PPFIA2: variants seen among roughly 807,000 people sequenced by gnomAD.
The protein encoded by PPFIA2 is PPFI scaffold protein A2.
PPFIA2 carries 46 observed loss-of-function variants against 175.5 expected under a neutral mutation model. The ratio of observed to expected loss-of-function variants is 0.26; its 90% CI spans 0.21 to 0.34. The LOEUF (loss-of-function observed/expected upper bound fraction) is 0.34, where lower values mean the gene tolerates loss of function less well. Ranked by LOEUF, PPFIA2 falls within the 10% of genes least tolerant of loss-of-function variation. The pLI, the probability that PPFIA2 is intolerant of heterozygous loss-of-function variation, is 1.00. For missense variants in PPFIA2, 1,179 were observed against 1,506.1 expected, an observed-to-expected ratio of 0.78 and a Z score of 3.60; for synonymous variants, 568 against 511.4, an observed-to-expected ratio of 1.11 and a Z score of -1.49.
intron 15 of PPFIA2, among the ~76,000 whole-genome samples, chr12:81,358,887 C>T (rs536110146): frequency 2.0e-5 from 3 of 152,024 alleles, no homozygotes; most frequent in Non-Finnish European, 4.4e-5. Context: ...TTCATAAGCA[C>T]ATTTGATTCT....
chr12:81,613,445 T>C (rs954653800), intron 4 of PPFIA2, among the ~76,000 whole-genome samples: 2 of 152,196 alleles, frequency 1.3e-5, no homozygotes, highest in South Asian at 4.1e-4. Flanking sequence ...TTCAACCACT[T>C]TTTGTTAGCA....
At chr12:81,556,698 A>G (rs566588719) in intron 4 of PPFIA2, among the ~76,000 whole-genome samples, 4 of 152,022 alleles carry the variant, frequency 2.6e-5, no homozygotes, top group African/African-American at 9.6e-5. Context: ...GAGTATTAAA[A>G]AAAAAATCAA....
chr12:81,288,733 C>T (rs905310406), intron 24 of PPFIA2, among the ~76,000 whole-genome samples: 2 of 151,688 alleles, frequency 1.3e-5, no homozygotes, highest in African/African-American at 4.8e-5. Context: ...TTACTTTTCA[C>T]ATTCAAATGG....
Position 81,259,489 on chromosome 12 carries a change from GT to G in PPFIA2, c.*204del. The G allele has an allele frequency of 2.8e-6, 2 of 721,530 alleles. No individual in the cohort carries two copies. Among genetic ancestry groups the G allele is most frequent in the East Asian group, 5.4e-5 (2 of 36,752 alleles). The allele number at this position is 721,530 out of a possible 1,614,324, so 44.7% of individuals were successfully genotyped here. On this transcript the variant is annotated 3_prime_UTR_variant, in exon 33 of 33. Transcript: ENST00000549396. ...TGACTTAAGCATTTTATTACAATTTGTAGTAAACTAATCAAATGTAATATCT... is the reference window on the plus strand; with the variant it reads ...TGACTTAAGCATTTTATTACAATTTGAGTAAACTAATCAAATGTAATATCT...
intron 22 of PPFIA2, among the ~76,000 whole-genome samples, chr12:81,324,055 AAGT>A (rs1437880300): frequency 6.6e-6 from 1 of 152,220 alleles, no homozygotes; most frequent in East Asian, 1.9e-4. Flanking sequence ...TATTAAAAGC[AAGT>A]ATTCTACATA....
chr12:81,441,698 T>C (rs1051671585), intron 6 of PPFIA2, among the ~76,000 whole-genome samples: 53 of 152,060 alleles, frequency 3.5e-4, no homozygotes, highest in Admixed American at 3.3e-3. Context: ...ACAGCTGATG[T>C]GTGGAATGCA....
intron 22 of PPFIA2, among the ~76,000 whole-genome samples, chr12:81,322,099 A>G (rs1355304218): frequency 1.3e-5 from 2 of 152,126 alleles, no homozygotes; most frequent in South Asian, 2.1e-4. Flanking sequence ...AGCCTCCCCA[A>G]GTGCTCGGAT....
chr12:81,354,627 T>C (rs2140990025), intron 16 of PPFIA2, among the ~76,000 whole-genome samples: 1 of 151,862 alleles, frequency 6.6e-6, no homozygotes, highest in Admixed American at 6.5e-5. Flanking sequence ...AATCAATGTC[T>C]TCTTAACTCT....
At position 81,263,216 on chromosome 12, in the gene PPFIA2, G is replaced by A; in HGVS notation, c.3715+15C>T. 1 of 1,585,236 alleles carries A rather than the reference G, an allele frequency of 6.3e-7. No homozygotes were observed. Among genetic ancestry groups the A allele is most frequent in the South Asian group, 1.1e-5 (1 of 87,972 alleles). On this transcript the variant is annotated intron_variant, in intron 31 of 32. Coordinates refer to ENST00000549396, the MANE Select transcript of PPFIA2 (RefSeq NM_003625.5). Reference sequence around the variant, plus strand: ...AGCTTTTTGCTTGATAAGCAGCAATGCAAAACTACTGTACCATCTGTTGTC... The same window carrying A: ...AGCTTTTTGCTTGATAAGCAGCAATACAAAACTACTGTACCATCTGTTGTC...
At chr12:81,754,343 C>T (rs1359861393) in intron 2 of PPFIA2, 120 bp from the exon 3 acceptor site, 8 of 1,249,820 alleles carry the variant, frequency 6.4e-6, no homozygotes, top group Middle Eastern at 2.8e-4. Flanking sequence ...ATTTCCCCTA[C>T]CTGTTGCCCC....
At chr12:81,307,772 G>A (rs1198882463) in intron 22 of PPFIA2, among the ~76,000 whole-genome samples, 2 of 152,110 alleles carry the variant, frequency 1.3e-5, no homozygotes, top group East Asian at 3.9e-4. Context: ...CTTACACAAA[G>A]ACGCTTCACA....
intron 3 of PPFIA2, among the ~76,000 whole-genome samples, chr12:81,691,546 C>G (rs901814198): frequency 6.6e-6 from 1 of 152,038 alleles, no homozygotes; most frequent in Non-Finnish European, 1.5e-5. Context: ...AAGATAACAC[C>G]TTATTGGAAT....
chr12:81,362,524 A>G (rs1333889518), intron 15 of PPFIA2, among the ~76,000 whole-genome samples, 169 bp downstream of exon 15: 1 of 151,530 alleles, frequency 6.6e-6, no homozygotes, highest in Non-Finnish European at 1.5e-5. Context: ...TCTAAGTTAA[A>G]AAGTTATTTT....
At chr12:81,346,842 C>A (rs574587087) in intron 18 of PPFIA2, among the ~76,000 whole-genome samples, 110 of 152,038 alleles carry the variant, frequency 7.2e-4, no homozygotes, top group African/African-American at 2.5e-3. Flanking sequence ...AAAACACACA[C>A]ACACAGAGTC....
At chr12:81,375,702 C>A in intron 10 of PPFIA2, 94 bp downstream of exon 10, 1 of 1,254,886 alleles carries the variant, frequency 8.0e-7, no homozygotes, top group Non-Finnish European at 1.1e-6. Flanking sequence ...ATTACTCAAA[C>A]ATCTGTCAAG....
intron 4 of PPFIA2, among the ~76,000 whole-genome samples, chr12:81,468,577 G>A (rs1005253014): frequency 9.9e-5 from 15 of 152,108 alleles, no homozygotes; most frequent in African/African-American, 3.6e-4. Flanking sequence ...AATAGCATTC[G>A]AGCTGAATAT....
rs542559991 is a variant in PPFIA2, at chr12:81,666,610, G to T, written c.303+10181C>A. 2.0e-5 allele frequency among the ~76,000 whole-genome samples: 3 copies of T among 152,220 alleles called. No homozygotes were observed. In the East Asian group the frequency reaches 5.8e-4, roughly 30 times the overall value. On this transcript the variant is annotated intron_variant, in intron 4 of 32. Transcript: ENST00000549396. The stretch of plus-strand genomic sequence containing the variant: ...GGAACATCACACACCGGGGCCTGTT[G>T]TGGGGTGGAGAGAGTGGGGAGGGAT...
At chr12:81,323,748 A>G (rs1435388924) in intron 22 of PPFIA2, among the ~76,000 whole-genome samples, 1 of 152,062 alleles carries the variant, frequency 6.6e-6, no homozygotes, top group Non-Finnish European at 1.5e-5. Flanking sequence ...TCATTATATG[A>G]AGACAACTTA....
At chr12:81,542,930 A>G (rs2066433336) in intron 4 of PPFIA2, among the ~76,000 whole-genome samples, 2 of 152,134 alleles carry the variant, frequency 1.3e-5, no homozygotes, top group South Asian at 4.1e-4. Context: ...TTACTTTTCC[A>G]TTGGATAAGG....
Sources: gnomAD v4.1 joint callset for allele counts (sites outside exome capture counted in the v4.1 genomes callset) on GRCh38, gnomAD v4.1.1 for gene constraint, MANE v1.5 for transcripts, NCBI Gene and HGNC (gene_info 2026-07-23, HGNC 2026-07-21) for gene names.